Variants in DOCK8 observed in about 807,000 individuals in gnomAD.
DOCK8 encodes dedicator of cytokinesis 8, also known as dedicator of cytokinesis protein 8.
A neutral mutation model predicts 245.6 loss-of-function variants in DOCK8; 141 were observed. That is an observed-to-expected ratio of 0.57 (90% confidence interval 0.50 to 0.66). The LOEUF (loss-of-function observed/expected upper bound fraction) is 0.66. DOCK8 is among the 30% of genes least tolerant of loss of function. The pLI, the probability that DOCK8 is intolerant of heterozygous loss-of-function variation, is 0.00. For synonymous variants in DOCK8, 1,168 were observed against 970.2 expected, an observed-to-expected ratio of 1.20 and a Z score of -3.79; for missense variants, 2,965 against 2,603.4, an observed-to-expected ratio of 1.14 and a Z score of -3.02.
chr9:245,794 T>G (rs988790885), intron 1 of DOCK8, among the ~76,000 whole-genome samples: 2 of 152,198 alleles, frequency 1.3e-5, no homozygotes, highest in African/African-American at 4.8e-5. Context: ...ATTGGCAGAA[T>G]AGAGATGCAA....
At chr9:226,418 G>C (rs994770618) in intron 1 of DOCK8, among the ~76,000 whole-genome samples, 11 of 152,130 alleles carry the variant, frequency 7.2e-5, no homozygotes, top group African/African-American at 2.7e-4. Context: ...TTATGGAGCA[G>C]GGCATGATGC....
chr9:402,789 C>T (rs901391679), intron 26 of DOCK8, among the ~76,000 whole-genome samples: 4 of 152,220 alleles, frequency 2.6e-5, no homozygotes, highest in African/African-American at 9.7e-5. Flanking sequence ...AAACACCCAT[C>T]CCTTGGGTAG....
intron 29 of DOCK8, 104 bp from the exon 30 acceptor site, chr9:417,964 C>T: frequency 1.4e-6 from 2 of 1,463,760 alleles, no homozygotes; most frequent in South Asian, 1.2e-5. Context: ...TTTGAAATTA[C>T]TGTGCTGACT....
chr9:302,234 A>G (rs1004021742), intron 4 of DOCK8, among the ~76,000 whole-genome samples: 1 of 152,218 alleles, frequency 6.6e-6, no homozygotes, highest in African/African-American at 2.4e-5. Context: ...AGTTGACAAT[A>G]ACAAGCCATG....
chr9:443,529 T>G lies in DOCK8; in HGVS notation c.5580+13T>G. ...GGATCCTAACAAGGTATACAAAAAT[T>G]TACAAAAACTAACCATCAAGCTCTA... On this transcript the variant is annotated intron_variant, in intron 43 of 47. Coordinates refer to ENST00000432829, the MANE Select transcript of DOCK8 (RefSeq NM_203447.4). 1 of 1,603,118 alleles carries G rather than the reference T, an allele frequency of 6.2e-7. No homozygotes were observed. Among genetic ancestry groups the G allele is most frequent in the Non-Finnish European group, 8.5e-7 (1 of 1,170,332 alleles).
intron 20 of DOCK8, among the ~76,000 whole-genome samples, chr9:378,968 G>A (rs1365720519): frequency 3.3e-5 from 5 of 152,160 alleles, no homozygotes; most frequent in Non-Finnish European, 5.9e-5. Context: ...GGAGTCAGAC[G>A]GCTTCATGGA....
intron 5 of DOCK8, among the ~76,000 whole-genome samples, chr9:310,159 C>T (rs56319031): frequency 0.02 from 3,055 of 151,986 alleles, 98 homozygotes; most frequent in African/African-American, 0.07. Context: ...CCCAGCTACT[C>T]AGGAGGCTGA....
intron 4 of DOCK8, among the ~76,000 whole-genome samples, chr9:292,065 A>G (rs1291149141): frequency 1.6e-5 from 1 of 63,950 alleles, no homozygotes; most frequent in Non-Finnish European, 3.3e-5. Flanking sequence ...GGAAGACCCT[A>G]TCTCAAAAAA....
At chr9:255,435 A>T (rs1357561627) in intron 1 of DOCK8, among the ~76,000 whole-genome samples, 2 of 152,316 alleles carry the variant, frequency 1.3e-5, no homozygotes, top group African/African-American at 4.8e-5. Context: ...TGGGAGGCCA[A>T]GGCGGGCAGA....
At position 291,759 on chromosome 9, in the gene DOCK8, T is replaced by G. The variant is rs1481749662; in HGVS notation, c.404+2178T>G. On this transcript the variant is annotated intron_variant, in intron 4 of 47. Transcript: ENST00000432829. ...AAGGATATGCACAAATTTAAAGATT[T>G]GGAATACTAGATCAAACATTATGCC... Among the ~76,000 whole-genome samples the G allele has an allele frequency of 1.2e-4, 18 of 151,682 alleles. No homozygotes were observed. The Admixed American group carries it at 1.2e-3, about 10-fold the overall frequency.
chr9:288,006 T>G (rs920939413), intron 3 of DOCK8, among the ~76,000 whole-genome samples: 1 of 151,754 alleles, frequency 6.6e-6, no homozygotes, highest in African/African-American at 2.4e-5. Flanking sequence ...AGACCCTGTT[T>G]CTTACAAAAC....
At chr9:286,183 C>A (rs1207907550) in intron 2 of DOCK8, among the ~76,000 whole-genome samples, 1 of 152,152 alleles carries the variant, frequency 6.6e-6, no homozygotes, top group Non-Finnish European at 1.5e-5. Context: ...TGGATCTCCT[C>A]AGGATTCCTC....
Position 312,173 on chromosome 9 carries a change from G to T in DOCK8, c.741+7G>T, listed in dbSNP as rs755489790. On this transcript the variant is annotated splice_region_variant and intron_variant, in intron 6 of 47. Coordinates refer to ENST00000432829, the MANE Select transcript of DOCK8 (RefSeq NM_203447.4). ...TTACCCATCAGTGGACGAGGTGGGT[G>T]CCACTGTTTCCATACTGGAGAATCT... 1 of 1,613,800 alleles carries T rather than the reference G, an allele frequency of 6.2e-7. No individual in the cohort carries two copies. The highest frequency in any genetic ancestry group is 8.5e-7 in the Non-Finnish European group (1 of 1,179,706).
intron 14 of DOCK8, among the ~76,000 whole-genome samples, chr9:353,001 A>G (rs1464860974): frequency 1.3e-5 from 2 of 152,142 alleles, no homozygotes; most frequent in Admixed American, 1.3e-4. Context: ...ATGTTGATGC[A>G]TTCACCTAAC....
intron 1 of DOCK8, among the ~76,000 whole-genome samples, chr9:258,292 G>A (rs2047829218): frequency 6.6e-6 from 1 of 152,180 alleles, no homozygotes; most frequent in Non-Finnish European, 1.5e-5. Context: ...GCCTTGGCCA[G>A]CACATCTGAA....
chr9:326,489 A>T (rs2050772489), intron 8 of DOCK8, among the ~76,000 whole-genome samples: 3 of 152,180 alleles, frequency 2.0e-5, no homozygotes, highest in Non-Finnish European at 4.4e-5. Flanking sequence ...GCTGGACCTC[A>T]CCCACAGAGT....
At chr9:457,561 A>T (rs770527002) in intron 46 of DOCK8, among the ~76,000 whole-genome samples, 1 of 152,182 alleles carries the variant, frequency 6.6e-6, no homozygotes, top group Non-Finnish European at 1.5e-5. Context: ...GAATCATAAG[A>T]CACAGTGATG....
chr9:409,435 T>C (rs2055604835), intron 28 of DOCK8, among the ~76,000 whole-genome samples: 1 of 152,196 alleles, frequency 6.6e-6, no homozygotes, highest in South Asian at 2.1e-4. Context: ...CAATTTACAA[T>C]TATCTTACTT....
chr9:356,414 C>T (rs2052448335), intron 14 of DOCK8, among the ~76,000 whole-genome samples: 2 of 151,952 alleles, frequency 1.3e-5, no homozygotes, highest in Admixed American at 6.6e-5. Context: ...CCTGTAATCC[C>T]AGCTACTCCG....
Sources: gnomAD v4.1 joint callset for allele counts (sites outside exome capture counted in the v4.1 genomes callset) on GRCh38, gnomAD v4.1.1 for gene constraint, MANE v1.5 for transcripts, NCBI Gene and HGNC (gene_info 2026-07-23, HGNC 2026-07-21) for gene names.